Variants in CDH13 observed in about 807,000 individuals in gnomAD.
CDH13 encodes cadherin-13.
A neutral mutation model predicts 63.8 loss-of-function variants in CDH13; 24 were observed. That is an observed-to-expected ratio of 0.38 (90% CI 0.27 to 0.53). CDH13 has a LOEUF of 0.53. Among genes scored for constraint, CDH13 ranks in the 20% least tolerant of loss-of-function variants. The probability of loss-of-function intolerance (pLI) is 0.85; values close to 1 mark genes in which losing one functional copy is unlikely to be tolerated. For missense variants in CDH13, 1,049 were observed against 903.1 expected, an observed-to-expected ratio of 1.16 and a Z score of -2.07; for synonymous variants, 503 against 355.3, an observed-to-expected ratio of 1.42 and a Z score of -4.67.
intron 1 of CDH13, among the ~76,000 whole-genome samples, chr16:82,853,519 C>G (rs1567601961): frequency 1.3e-5 from 2 of 152,174 alleles, no homozygotes; most frequent in Non-Finnish European, 2.9e-5. Flanking sequence ...GATACCATTA[C>G]TCCTGCTTTT....
intron 2 of CDH13, among the ~76,000 whole-genome samples, chr16:82,892,653 C>G (rs1442048643): frequency 6.6e-6 from 1 of 152,150 alleles, no homozygotes; most frequent in Non-Finnish European, 1.5e-5. Flanking sequence ...TATAACAAAA[C>G]CACTGCAAGT....
At chr16:83,183,721 A>G (rs1251754935) in intron 4 of CDH13, among the ~76,000 whole-genome samples, 1 of 152,188 alleles carries the variant, frequency 6.6e-6, no homozygotes, top group Non-Finnish European at 1.5e-5. Context: ...AGTGCTTTAT[A>G]TGGAAGTCTT....
chr16:83,278,579 T>C (rs913007047), intron 5 of CDH13, among the ~76,000 whole-genome samples: 5 of 152,150 alleles, frequency 3.3e-5, no homozygotes, highest in Admixed American at 6.6e-5. Context: ...TACAACAGGC[T>C]CTGGAGGAGA....
intron 1 of CDH13, among the ~76,000 whole-genome samples, chr16:82,664,174 T>A (rs1642906906): frequency 6.6e-6 from 1 of 152,276 alleles, no homozygotes; most frequent in Non-Finnish European, 1.5e-5. Context: ...AAATGTTAGC[T>A]TTTGTTGAAA....
At chr16:83,302,647 A>G (rs1249811474) in intron 5 of CDH13, among the ~76,000 whole-genome samples, 1 of 152,200 alleles carries the variant, frequency 6.6e-6, no homozygotes, top group Non-Finnish European at 1.5e-5. Context: ...GGATACTACC[A>G]TGGTTCCTGC....
intron 13 of CDH13, among the ~76,000 whole-genome samples, chr16:83,787,097 T>A (rs964829514): frequency 6.6e-6 from 1 of 152,210 alleles, no homozygotes; most frequent in Non-Finnish European, 1.5e-5. Context: ...ACATGACACA[T>A]ACAGTTCTAT....
chr16:83,395,081 G>A (rs1199730595), intron 6 of CDH13, among the ~76,000 whole-genome samples: 7 of 150,208 alleles, frequency 4.7e-5, no homozygotes, highest in Non-Finnish European at 7.4e-5. Context: ...CCAGGAGGCA[G>A]AGGTTGCAGT....
At chr16:82,766,931 G>A (rs2035077315) in intron 1 of CDH13, among the ~76,000 whole-genome samples, 1 of 151,898 alleles carries the variant, frequency 6.6e-6, no homozygotes, top group Non-Finnish European at 1.5e-5. Context: ...TTTGCAGTGA[G>A]CACTCATGTA....
intron 2 of CDH13, among the ~76,000 whole-genome samples, chr16:82,872,669 G>T (rs1219101525): frequency 6.6e-6 from 1 of 152,108 alleles, no homozygotes; most frequent in African/African-American, 2.4e-5. Flanking sequence ...TTTGGCTTGA[G>T]AGCAAAAGGG....
chr16:83,181,641 A>G (rs1030150607), intron 4 of CDH13, among the ~76,000 whole-genome samples: 2 of 152,160 alleles, frequency 1.3e-5, no homozygotes, highest in Admixed American at 6.5e-5. Flanking sequence ...CGCATGCTGA[A>G]AAGAGGGGGA....
At chr16:83,010,790 T>C (rs1228425929) in intron 2 of CDH13, among the ~76,000 whole-genome samples, 2 of 152,328 alleles carry the variant, frequency 1.3e-5, no homozygotes. Flanking sequence ...TGCGGGGACA[T>C]CTACTTGTTC....
At chr16:82,687,776 C>G (rs899001271) in intron 1 of CDH13, among the ~76,000 whole-genome samples, 12 of 152,122 alleles carry the variant, frequency 7.9e-5, no homozygotes, top group Non-Finnish European at 4.4e-5. Context: ...CCATTCTGAT[C>G]TCATTCTATC....
intron 2 of CDH13, among the ~76,000 whole-genome samples, chr16:82,989,393 A>G (rs1597367242): frequency 6.6e-6 from 1 of 152,316 alleles, no homozygotes. Context: ...TCTGCCTTTG[A>G]CATGGCAGTG....
chr16:83,669,493 G>C (rs762971016), intron 8 of CDH13, among the ~76,000 whole-genome samples: 2 of 152,192 alleles, frequency 1.3e-5, no homozygotes, highest in Non-Finnish European at 2.9e-5. Flanking sequence ...CCCTGGAGTT[G>C]TTTCTGTGTT....
chr16:83,194,315 G>A (rs764590733), intron 4 of CDH13, among the ~76,000 whole-genome samples: 6 of 152,158 alleles, frequency 3.9e-5, no homozygotes, highest in Non-Finnish European at 7.4e-5. Context: ...GGATGATCAC[G>A]CTTGCTGTTA....
chr16:83,767,648 T>C (rs1914486133), intron 11 of CDH13, among the ~76,000 whole-genome samples: 1 of 152,176 alleles, frequency 6.6e-6, no homozygotes, highest in Non-Finnish European at 1.5e-5. Flanking sequence ...ATCCATACAA[T>C]GGATTATTAT....
At chr16:82,652,391 G>A (rs750325625) in intron 1 of CDH13, among the ~76,000 whole-genome samples, 4 of 152,162 alleles carry the variant, frequency 2.6e-5, no homozygotes, top group East Asian at 1.9e-4. Context: ...AATAAGGAAC[G>A]ACCTCTCGTT....
At chr16:83,088,445 C>A in intron 3 of CDH13, among the ~76,000 whole-genome samples, 1 of 152,110 alleles carries the variant, frequency 6.6e-6, no homozygotes. Flanking sequence ...GTGACAGTTG[C>A]CCACCGAACC....
At chr16:83,405,452 T>G (rs1050131913) in intron 6 of CDH13, among the ~76,000 whole-genome samples, 1 of 152,190 alleles carries the variant, frequency 6.6e-6, no homozygotes, top group African/African-American at 2.4e-5. Flanking sequence ...GGTGATGTTG[T>G]CCTGCTGGCT....
Sources: gnomAD v4.1 joint callset for allele counts (sites outside exome capture counted in the v4.1 genomes callset) on GRCh38, gnomAD v4.1.1 for gene constraint, MANE v1.5 for transcripts, NCBI Gene and HGNC (gene_info 2026-07-23, HGNC 2026-07-21) for gene names.